IMMP1L: variants seen among roughly 807,000 people sequenced by gnomAD.
The protein encoded by IMMP1L is inner mitochondrial membrane peptidase subunit 1, also known as mitochondrial inner membrane protease subunit 1.
A neutral mutation model predicts 21.8 loss-of-function variants in IMMP1L; 24 were observed. The ratio of observed to expected loss-of-function variants is 1.10; its 90% CI spans 0.80 to 1.55. IMMP1L has a LOEUF of 1.55. Ranked by LOEUF, IMMP1L falls within the 40% of genes most tolerant of loss-of-function variation. The pLI, the probability that IMMP1L is intolerant of heterozygous loss-of-function variation, is 0.00. For missense variants in IMMP1L, 195 were observed against 200.7 expected, an observed-to-expected ratio of 0.97 and a Z score of 0.17; for synonymous variants, 46 against 62.8, an observed-to-expected ratio of 0.73 and a Z score of 1.26.
At chr11:31,441,273 T>C (rs1953318433) in intron 4 of IMMP1L, among the ~76,000 whole-genome samples, 1 of 151,622 alleles carries the variant, frequency 6.6e-6, no homozygotes, top group African/African-American at 2.4e-5. Flanking sequence ...TCCTTCATGA[T>C]GCAGGTTGGG....
At chr11:31,477,839 T>C (rs527885715) in intron 1 of IMMP1L, 18 of 152,368 alleles carry the variant, frequency 1.2e-4, no homozygotes, top group African/African-American at 4.1e-4. Context: ...TGATTCAGTT[T>C]TGCTGTGCTG....
At chr11:31,494,680 C>T (rs1955375212) in intron 1 of IMMP1L, among the ~76,000 whole-genome samples, 1 of 151,654 alleles carries the variant, frequency 6.6e-6, no homozygotes, top group Admixed American at 6.6e-5. Context: ...CTCACTCTGT[C>T]ACCCAGGCTG....
rs961715969 is a variant in IMMP1L, at chr11:31,463,206, T to A, written c.71A>T (p.His24Leu). The stretch of plus-strand genomic sequence containing the variant: ...ACCACCAACGTATTCAAAAGCACAA[T>A]GAGCTATACAGCCATATTGAATAGT... Reference protein sequence around the residue: ...GYTIQYGCIAHCAFEYVGGVV... With the variant: ...GYTIQYGCIALCAFEYVGGVV... The change falls in exon 2 of 6, where the codon CAT becomes CTT. Residue 24 changes from histidine (H) to leucine (L), a missense_variant. His to Leu is a moderately conservative substitution (Grantham distance 99). Coordinates refer to ENST00000532287, the MANE Select transcript of IMMP1L (RefSeq NM_001304274.2). The A allele has an allele frequency of 4.3e-6, 7 of 1,610,806 alleles. No individual in the cohort carries two copies. In the African/African-American group the frequency reaches 9.4e-5, roughly 22 times the overall value.
chr11:31,479,092 T>C (rs978335942), intron 1 of IMMP1L, among the ~76,000 whole-genome samples: 1 of 151,964 alleles, frequency 6.6e-6, no homozygotes, highest in African/African-American at 2.4e-5. Flanking sequence ...CACAAACATC[T>C]GTCCAGAATA....
At chr11:31,507,255 G>A (rs756662835) in intron 1 of IMMP1L, among the ~76,000 whole-genome samples, 6 of 151,900 alleles carry the variant, frequency 3.9e-5, no homozygotes, top group Admixed American at 6.6e-5. Context: ...ACTCCAGCCC[G>A]GGGAACACAC....
chr11:31,495,906 C>T (rs1158113768), intron 1 of IMMP1L, among the ~76,000 whole-genome samples: 1 of 152,060 alleles, frequency 6.6e-6, no homozygotes, highest in Non-Finnish European at 1.5e-5. Flanking sequence ...GCTAAAACTA[C>T]ACAACTCTTG....
chr11:31,496,059 T>C (rs1955420590), intron 1 of IMMP1L, among the ~76,000 whole-genome samples: 1 of 150,676 alleles, frequency 6.6e-6, no homozygotes, highest in Non-Finnish European at 1.5e-5. Flanking sequence ...ATATCATACA[T>C]CTAATTAAGG....
intron 4 of IMMP1L, chr11:31,452,518 A>G: frequency 1.0e-6 from 1 of 985,412 alleles, no homozygotes; most frequent in Non-Finnish European, 1.2e-6. Context: ...TTCCAACTAA[A>G]TTATTTTTTC....
At position 31,466,536 on chromosome 11, in the gene IMMP1L, A is replaced by G. The variant is rs528924813; in HGVS notation, c.-29-3231T>C. Among the ~76,000 whole-genome samples the G allele has an allele frequency of 2.3e-4, 35 of 152,306 alleles. 1 individual carries two copies. Among genetic ancestry groups the G allele is most frequent in the African/African-American group, 7.9e-4 (33 of 41,594 alleles). On this transcript the variant is annotated intron_variant, in intron 1 of 5. Coordinates refer to ENST00000532287, the MANE Select transcript of IMMP1L (RefSeq NM_001304274.2). ...TATCCATCAACAGATGAATGGATAA[A>G]GAAAACATGCTATACATACACAATG...
At chr11:31,473,629 A>C (rs1954638966) in intron 1 of IMMP1L, 2 of 349,068 alleles carry the variant, frequency 5.7e-6, no homozygotes, top group Non-Finnish European at 8.0e-6. Context: ...AGAAGCTGAA[A>C]AGAAATTAGA....
At chr11:31,487,281 T>C (rs563035702) in intron 1 of IMMP1L, among the ~76,000 whole-genome samples, 8 of 152,106 alleles carry the variant, frequency 5.3e-5, no homozygotes, top group South Asian at 2.1e-4. Flanking sequence ...CTTTAAATAA[T>C]ATAAGATCAG....
chr11:31,460,713 C>G lies in IMMP1L; in HGVS notation c.107G>C (p.Cys36Ser). 6.3e-7 allele frequency: 1 copy of G among 1,581,966 alleles called. No individual in the cohort carries two copies. Among genetic ancestry groups the G allele is most frequent in the Non-Finnish European group, 8.7e-7 (1 of 1,154,098 alleles). ...TGTAGGCTCCATTGATGGTCCAGAACACTGAAAAGAGAGGTAATTTGTAAT... is the reference window on the plus strand; with the variant it reads ...TGTAGGCTCCATTGATGGTCCAGAAGACTGAAAAGAGAGGTAATTTGTAAT... Reference protein sequence around the residue: ...AFEYVGGVVMCSGPSMEPTIQ... With the variant: ...AFEYVGGVVMSSGPSMEPTIQ... Residue 36 changes from cysteine to serine, a missense_variant and splice_region_variant, in exon 3 of 6, where the codon TGT becomes TCT. Cys to Ser is a moderately radical substitution (Grantham distance 112, BLOSUM62 -1). Coordinates refer to ENST00000532287, the MANE Select transcript of IMMP1L (RefSeq NM_001304274.2).
At chr11:31,460,022 C>T (rs1180493798) in intron 3 of IMMP1L, among the ~76,000 whole-genome samples, 2 of 151,650 alleles carry the variant, frequency 1.3e-5, no homozygotes, top group Non-Finnish European at 2.9e-5. Context: ...CTGGGCGCGG[C>T]GAGTATACAC....
At chr11:31,451,650 A>C (rs1953761865) in intron 4 of IMMP1L, among the ~76,000 whole-genome samples, 1 of 152,128 alleles carries the variant, frequency 6.6e-6, no homozygotes, top group Non-Finnish European at 1.5e-5. Flanking sequence ...GTTTGAGATG[A>C]CCATTATTCA....
rs563329213 is a variant in IMMP1L at position 31,505,153 on chromosome 11, C to T, written c.-30+4366G>A. Among the ~76,000 whole-genome samples the T allele has an allele frequency of 3.9e-5, 6 of 152,280 alleles. No homozygotes were observed. The East Asian group carries it at 1.2e-3, about 29-fold the overall frequency. On this transcript the variant is annotated intron_variant, in intron 1 of 5. Coordinates refer to ENST00000532287, the MANE Select transcript of IMMP1L (RefSeq NM_001304274.2). The stretch of plus-strand genomic sequence containing the variant: ...GAAAAAACAACTGAAGAGGTGTCCA[C>T]TTGTATCAGAAGGTGCTGGTTGCCT...
At chr11:31,468,714 T>C (rs1223072) in intron 1 of IMMP1L, among the ~76,000 whole-genome samples, 54,891 of 151,898 alleles carry the variant, frequency 0.36, 12,145 homozygotes, top group African/African-American at 0.63. Context: ...ATACACAAAG[T>C]AAACAAATAA....
At chr11:31,441,986 T>A (rs1953346132) in intron 4 of IMMP1L, among the ~76,000 whole-genome samples, 1 of 152,216 alleles carries the variant, frequency 6.6e-6, no homozygotes, top group Admixed American at 6.5e-5. Flanking sequence ...CCATTTTGAA[T>A]GAATGCATAA....
chr11:31,468,409 A>G (rs1441559397), intron 1 of IMMP1L, among the ~76,000 whole-genome samples: 2 of 152,162 alleles, frequency 1.3e-5, no homozygotes, highest in Non-Finnish European at 2.9e-5. Flanking sequence ...ATATATACAC[A>G]CATACGGATA....
intron 4 of IMMP1L, chr11:31,448,991 A>G: frequency 4.1e-6 from 4 of 985,424 alleles, no homozygotes; most frequent in Non-Finnish European, 4.8e-6. Flanking sequence ...TATTTCCTCC[A>G]TATCAGCTGC....
Sources: allele counts gnomAD v4.1 joint callset (sites outside exome capture counted in the v4.1 genomes callset), GRCh38; gene constraint gnomAD v4.1.1; transcripts MANE v1.5; gene names NCBI Gene and HGNC (gene_info 2026-07-23, HGNC 2026-07-21).